The following PDE1A variants were observed in gnomAD, a reference collection of about 807,000 sequenced individuals.
PDE1A encodes dual specificity calcium/calmodulin-dependent 3',5'-cyclic nucleotide phosphodiesterase 1A.
In PDE1A, 35 loss-of-function variants were observed where a neutral mutation model predicts 61.7. The observed-to-expected ratio is 0.57, with a 90% CI of 0.43 to 0.75. The LOEUF (loss-of-function observed/expected upper bound fraction) is 0.75. Among genes scored for constraint, PDE1A ranks in the 30% least tolerant of loss-of-function variants. The pLI is 0.00. For synonymous variants in PDE1A, 232 were observed against 213.2 expected (o/e 1.09, Z -0.77); for missense variants, 597 against 630.6 (o/e 0.95, Z 0.57).
the PDE1A span, among the ~76,000 whole-genome samples, chr2:182,628,071 C>T: frequency 7.1e-6 from 1 of 141,158 alleles, no homozygotes; most frequent in Admixed American, 7.3e-5. Flanking sequence ...CACACACACA[C>T]ACACAGTTTG....
At chr2:182,294,858 G>T (rs1407147142) in intron 1 of PDE1A, among the ~76,000 whole-genome samples, 3 of 151,982 alleles carry the variant, frequency 2.0e-5, no homozygotes, top group African/African-American at 7.3e-5. Flanking sequence ...AGGGTCATCA[G>T]GTGTGATGAC....
chr2:182,542,884 T>C, the PDE1A span, among the ~76,000 whole-genome samples: 1 of 152,220 alleles, frequency 6.6e-6, no homozygotes, highest in African/African-American at 2.4e-5. Flanking sequence ...AGCATATGTC[T>C]TCATGTCCAA....
At chr2:182,419,635 G>C (rs1380743927) in intron 1 of PDE1A, among the ~76,000 whole-genome samples, 1 of 152,154 alleles carries the variant, frequency 6.6e-6, no homozygotes, top group Non-Finnish European at 1.5e-5. Context: ...CAACAATAGA[G>C]AGAAGACGAC....
the PDE1A span, among the ~76,000 whole-genome samples, chr2:182,701,026 G>GT: frequency 8.4e-6 from 1 of 119,482 alleles, no homozygotes; most frequent in Non-Finnish European, 2.0e-5. Context: ...CTGACTTTCT[G>GT]TTTTTTGTTT....
the PDE1A span, among the ~76,000 whole-genome samples, chr2:182,694,797 T>C: frequency 7.0e-6 from 1 of 143,698 alleles, no homozygotes; most frequent in Non-Finnish European, 1.5e-5. Flanking sequence ...TGAAAGACTG[T>C]TGATATTACA....
the PDE1A span, among the ~76,000 whole-genome samples, chr2:182,567,190 A>C: frequency 6.6e-6 from 1 of 152,200 alleles, no homozygotes; most frequent in Admixed American, 6.5e-5. Context: ...ATGAGAGAAC[A>C]TTACCAAGAA....
At chr2:182,399,121 T>G (rs1206128823) in intron 1 of PDE1A, among the ~76,000 whole-genome samples, 1 of 152,044 alleles carries the variant, frequency 6.6e-6, no homozygotes, top group East Asian at 1.9e-4. Flanking sequence ...AAATTTTTTT[T>G]GTCTCAGTTT....
intron 2 of PDE1A, among the ~76,000 whole-genome samples, chr2:182,440,810 C>CTTCT (rs922394611): frequency 6.7e-6 from 1 of 148,208 alleles, no homozygotes. Context: ...CTTTATTTCT[C>CTTCT]TTCTTTTCTG....
chr2:182,567,180 A>G, the PDE1A span, among the ~76,000 whole-genome samples: 1 of 152,206 alleles, frequency 6.6e-6, no homozygotes. Flanking sequence ...TAACATTACC[A>G]TGAGAGAACA....
At chr2:182,242,731 G>A (rs889546198) in intron 2 of PDE1A, among the ~76,000 whole-genome samples, 7 of 152,152 alleles carry the variant, frequency 4.6e-5, no homozygotes, top group Non-Finnish European at 5.9e-5. Context: ...CTTCCAGAAC[G>A]CCTTTGAAAT....
chr2:182,230,252 T>C (rs1333577487), intron 5 of PDE1A, 106 bp from the exon 6 acceptor site: 1 of 753,394 alleles, frequency 1.3e-6, no homozygotes, highest in Non-Finnish European at 2.1e-6. Flanking sequence ...ATGTGGACAG[T>C]AGTTTCTTTA....
intron 1 of PDE1A, among the ~76,000 whole-genome samples, chr2:182,275,919 CT>C (rs1693376891): frequency 6.6e-6 from 1 of 152,080 alleles, no homozygotes; most frequent in Non-Finnish European, 1.5e-5. Flanking sequence ...ATGACTAATA[CT>C]TTTACCTTTG....
Position 182,226,605 on chromosome 2 carries a change from C to T in PDE1A, c.676-2641G>A, listed in dbSNP as rs539121501. The stretch of plus-strand genomic sequence containing the variant: ...AACTCAGAAAACAGGTGCTTAAATT[C>T]ATAAATTTTATAAATGACTCCTGAG... On this transcript the variant is annotated intron_variant, in intron 6 of 13. Coordinates refer to ENST00000351439, the Ensembl canonical transcript of PDE1A. Among the ~76,000 whole-genome samples, 21 of 149,816 alleles carry T rather than the reference C, an allele frequency of 1.4e-4. 1 individual carries two copies. Among genetic ancestry groups the T allele is most frequent in the African/African-American group, 5.3e-4 (21 of 39,404 alleles).
chr2:182,675,076 T>C, the PDE1A span, among the ~76,000 whole-genome samples: 5 of 152,116 alleles, frequency 3.3e-5, no homozygotes, highest in Non-Finnish European at 1.5e-5. Context: ...TAGTACCCAA[T>C]AGTTATTTTT....
At chr2:182,655,158 A>C in the PDE1A span, among the ~76,000 whole-genome samples, 1 of 152,190 alleles carries the variant, frequency 6.6e-6, no homozygotes, top group Non-Finnish European at 1.5e-5. Flanking sequence ...GCTTTAGTGA[A>C]TGAAGTGTCA....
intron 1 of PDE1A, among the ~76,000 whole-genome samples, chr2:182,334,612 G>A (rs1207543138): frequency 6.6e-6 from 1 of 152,138 alleles, no homozygotes; most frequent in Non-Finnish European, 1.5e-5. Flanking sequence ...ACTAGGTATT[G>A]ATGGAATGTA....
downstream of PDE1A, among the ~76,000 whole-genome samples, chr2:182,143,528 T>C (rs998982892): frequency 2.0e-5 from 3 of 152,068 alleles, no homozygotes; most frequent in African/African-American, 7.2e-5. Flanking sequence ...TTTATTTGTT[T>C]TTTGGTGAGA....
intron 7 of PDE1A, among the ~76,000 whole-genome samples, chr2:182,221,443 T>C (rs182242016): frequency 1.1e-3 from 166 of 152,226 alleles, no homozygotes; most frequent in Non-Finnish European, 1.5e-3. Context: ...ATGATCTGCA[T>C]AGTCTTGTTT....
intron 2 of PDE1A, among the ~76,000 whole-genome samples, chr2:182,509,711 C>T (rs931438649): frequency 6.6e-6 from 1 of 152,134 alleles, no homozygotes; most frequent in Non-Finnish European, 1.5e-5. Context: ...AGTATGATTA[C>T]TACTATGATT....
Sources: allele counts gnomAD v4.1 joint callset (sites outside exome capture counted in the v4.1 genomes callset), GRCh38; gene constraint gnomAD v4.1.1; transcripts MANE v1.5; gene names NCBI Gene and HGNC (gene_info 2026-07-23, HGNC 2026-07-21).